The following PRICKLE1 variants were observed in gnomAD, a reference collection of about 807,000 sequenced individuals.
The protein encoded by PRICKLE1 is prickle-like protein 1.
Under a neutral mutation model 70.2 loss-of-function variants are expected in PRICKLE1, and 14 were observed. The ratio of observed to expected loss-of-function variants is 0.20; its 90% confidence interval spans 0.13 to 0.31. PRICKLE1 has a LOEUF of 0.31. Ranked by LOEUF, PRICKLE1 falls within the 10% of genes least tolerant of loss-of-function variation. The pLI is 1.00. For synonymous variants in PRICKLE1, 357 were observed against 379.9 expected (o/e 0.94, Z 0.70); for missense variants, 821 against 1,026.2 (o/e 0.80, Z 2.73).
chr12:42,586,989 A>C (rs965245225), intron 1 of PRICKLE1, among the ~76,000 whole-genome samples: 11 of 152,164 alleles, frequency 7.2e-5, no homozygotes, highest in African/African-American at 2.7e-4. Flanking sequence ...GGAGATCTTT[A>C]TTTCTCCCTA....
At chr12:42,588,901 G>C (rs1037187088) in intron 1 of PRICKLE1, among the ~76,000 whole-genome samples, 1 of 152,220 alleles carries the variant, frequency 6.6e-6, no homozygotes, top group Admixed American at 6.5e-5. Flanking sequence ...TACCTCAAGA[G>C]AGGAAGACGC....
At chr12:42,503,511 TGAGAA>T (rs1939353154) in intron 1 of PRICKLE1, among the ~76,000 whole-genome samples, 2 of 152,300 alleles carry the variant, frequency 1.3e-5, no homozygotes, top group South Asian at 4.1e-4. Flanking sequence ...AAGTAACTAC[TGAGAA>T]AAGAACACAG....
rs72169209 is a variant in PRICKLE1, at chr12:42,521,929, GGTGTGTGTGTGT to G, written c.-48-49377_-48-49366del. Among the ~76,000 whole-genome samples the G allele has an allele frequency of 4.6e-3, 644 of 139,904 alleles. 7 individuals are homozygous for G. The highest frequency in any genetic ancestry group is 0.01 in the African/African-American group (368 of 35,992). 91.8% of individuals were successfully genotyped at this position (139,904 alleles called of 152,430 possible). On this transcript the variant is annotated intron_variant, in intron 1 of 7. Coordinates refer to ENST00000345127, the MANE Select transcript of PRICKLE1 (RefSeq NM_153026.3). ...AAGTGAAATCAGTTTGTTTGTTTTT[GGTGTGTGTGTGT>G]GTGTGTGTGTGTGTGTGTGTGTGTG...
chr12:42,549,225 G>A (rs1009063263), intron 1 of PRICKLE1, among the ~76,000 whole-genome samples: 4 of 148,840 alleles, frequency 2.7e-5, no homozygotes, highest in South Asian at 2.2e-4. Flanking sequence ...TTTGCTACCC[G>A]CCCAGCGTTC....
chr12:42,549,125 A>AG (rs1312579086), intron 1 of PRICKLE1, among the ~76,000 whole-genome samples: 1 of 132,076 alleles, frequency 7.6e-6, no homozygotes, highest in Non-Finnish European at 1.8e-5. Flanking sequence ...TCTCCAAAAA[A>AG]AAAAAAAAAA....
intron 1 of PRICKLE1, among the ~76,000 whole-genome samples, chr12:42,511,055 C>T (rs1185346910): frequency 1.3e-5 from 2 of 152,190 alleles, no homozygotes; most frequent in African/African-American, 4.8e-5. Context: ...CAGGGGATGC[C>T]CTGGGTGTGC....
chr12:42,537,454 C>T (rs890121088), intron 1 of PRICKLE1, among the ~76,000 whole-genome samples: 5 of 152,160 alleles, frequency 3.3e-5, no homozygotes, highest in African/African-American at 9.7e-5. Context: ...CATGAGCCAC[C>T]ATGCCTGGTC....
At chr12:42,536,671 C>G (rs1308671832) in intron 1 of PRICKLE1, among the ~76,000 whole-genome samples, 1 of 152,158 alleles carries the variant, frequency 6.6e-6, no homozygotes, top group Non-Finnish European at 1.5e-5. Flanking sequence ...AGAAGTTTCT[C>G]ATTTCTGAGT....
intron 1 of PRICKLE1, among the ~76,000 whole-genome samples, chr12:42,541,694 G>A (rs1350365131): frequency 6.6e-6 from 1 of 152,152 alleles, no homozygotes; most frequent in Non-Finnish European, 1.5e-5. Context: ...TCAAGAGACA[G>A]CAGTCCCAGT....
intron 1 of PRICKLE1, among the ~76,000 whole-genome samples, chr12:42,548,496 T>C (rs140223142): frequency 2.7e-3 from 404 of 152,300 alleles, no homozygotes; most frequent in Non-Finnish European, 3.6e-3. Context: ...AAGACACCCA[T>C]CTAGAAGGGG....
chr12:42,517,414 G>A (rs1403265441), intron 1 of PRICKLE1, among the ~76,000 whole-genome samples: 1 of 143,650 alleles, frequency 7.0e-6, no homozygotes, highest in African/African-American at 2.6e-5. Context: ...CCAGGTTCAT[G>A]CCATTCTCCT....
intron 1 of PRICKLE1, among the ~76,000 whole-genome samples, chr12:42,491,368 C>T (rs1939101901): frequency 6.6e-6 from 1 of 151,394 alleles, no homozygotes; most frequent in Non-Finnish European, 1.5e-5. Flanking sequence ...GCCTGGCCAA[C>T]ATGGTGAAAC....
chr12:42,499,425 GA>G (rs1189447672), intron 1 of PRICKLE1, among the ~76,000 whole-genome samples: 1 of 146,378 alleles, frequency 6.8e-6, no homozygotes, highest in African/African-American at 2.6e-5. Flanking sequence ...AATAAATCTA[GA>G]ATTTTTTTTT....
At chr12:42,581,435 A>G (rs1210061235) in intron 1 of PRICKLE1, among the ~76,000 whole-genome samples, 1 of 152,020 alleles carries the variant, frequency 6.6e-6, no homozygotes, top group East Asian at 1.9e-4. Flanking sequence ...TAAATTGACA[A>G]AGTATTTCAT....
chr12:42,493,101 C>T (rs1189664141), intron 1 of PRICKLE1, among the ~76,000 whole-genome samples: 1 of 151,650 alleles, frequency 6.6e-6, no homozygotes, highest in Non-Finnish European at 1.5e-5. Context: ...TTCAATGTTC[C>T]AATTCAAATA....
chr12:42,483,194 A>G, intron 1 of PRICKLE1: 1 of 152,838 alleles, frequency 6.5e-6, no homozygotes, highest in Non-Finnish European at 1.5e-5. Context: ...GCGCCGTGTC[A>G]CCTCCACGGA....
At chr12:42,553,234 G>A (rs1940353426) in intron 1 of PRICKLE1, among the ~76,000 whole-genome samples, 1 of 152,078 alleles carries the variant, frequency 6.6e-6, no homozygotes, top group Non-Finnish European at 1.5e-5. Context: ...CCTGAGGTTA[G>A]GAGATAGAGA....
chr12:42,507,899 C>T (rs567428865), intron 1 of PRICKLE1, among the ~76,000 whole-genome samples: 1 of 152,260 alleles, frequency 6.6e-6, no homozygotes, highest in South Asian at 2.1e-4. Context: ...TTGGAGGATA[C>T]ACAGTATAAG....
intron 1 of PRICKLE1, among the ~76,000 whole-genome samples, chr12:42,513,976 G>A (rs1215608279): frequency 2.0e-5 from 3 of 152,092 alleles, no homozygotes; most frequent in African/African-American, 2.4e-5. Context: ...CAGCCTGGGC[G>A]ACAAGAGTGA....
Sources: gnomAD v4.1 joint callset for allele counts (sites outside exome capture counted in the v4.1 genomes callset) on GRCh38, gnomAD v4.1.1 for gene constraint, MANE v1.5 for transcripts, NCBI Gene and HGNC (gene_info 2026-07-23, HGNC 2026-07-21) for gene names.